Variants in TEX11 observed in about 807,000 individuals in gnomAD.
TEX11 encodes the protein testis-expressed protein 11.
A neutral mutation model predicts 84.4 loss-of-function variants in TEX11; 7 were observed. The observed-to-expected ratio is 0.08, with a 90% CI of 0.05 to 0.16. TEX11 has a LOEUF of 0.16. TEX11 is among the 10% of genes least tolerant of loss of function. The pLI, the probability that TEX11 is intolerant of heterozygous loss-of-function variation, is 1.00. For missense variants in TEX11, 551 were observed against 660.5 expected, an observed-to-expected ratio of 0.83 and a Z score of 1.82; for synonymous variants, 264 against 222.8, an observed-to-expected ratio of 1.18 and a Z score of -1.64.
At chrX:70,731,805 A>G (rs1245186691) in intron 11 of TEX11, among the ~76,000 whole-genome samples, 1 of 110,892 alleles carries the variant, frequency 9.0e-6, no homozygotes, top group Non-Finnish European at 1.9e-5. Flanking sequence ...TCATTTTATG[A>G]GGCCAGCATC....
intron 25 of TEX11, among the ~76,000 whole-genome samples, chrX:70,588,200 G>C (rs770148488): frequency 7.1e-5 from 8 of 111,913 alleles, no homozygotes; most frequent in Non-Finnish European, 1.1e-4. Flanking sequence ...GGGACTGTTG[G>C]GAAGGCATGA....
At chrX:70,804,800 G>A (rs181482948) in intron 9 of TEX11, among the ~76,000 whole-genome samples, 16 of 110,454 alleles carry the variant, frequency 1.4e-4, no homozygotes, top group African/African-American at 4.3e-4. Context: ...AACCAATGGC[G>A]TATGTGCAAA....
intron 8 of TEX11, among the ~76,000 whole-genome samples, chrX:70,823,858 A>G (rs1783042737): frequency 9.1e-6 from 1 of 110,109 alleles, no homozygotes; most frequent in South Asian, 3.9e-4. Context: ...AAAAAAATAC[A>G]AAGATTAGCC....
At chrX:70,711,989 A>G (rs370535066) in intron 13 of TEX11, among the ~76,000 whole-genome samples, 8 of 111,543 alleles carry the variant, frequency 7.2e-5, no homozygotes, top group Admixed American at 4.8e-4. Context: ...AAGGGATCCA[A>G]TTTCAGCTTT....
chrX:70,644,785 G>T (rs1403541208), intron 17 of TEX11, among the ~76,000 whole-genome samples: 70 of 65,161 alleles, frequency 1.1e-3, no homozygotes, highest in African/African-American at 3.5e-3. Context: ...GGTGGGGGGA[G>T]GGGGGAGGGA....
rs868099181 is a variant in TEX11 at position 70,792,331 on chromosome X, T to A, written c.692+14374A>T. On this transcript the variant is annotated intron_variant, in intron 9 of 29. Transcript: ENST00000374333. ...AAAAAAAAAAATATATATATATATA[T>A]ATATATATATATATATATATATATA... Among the ~76,000 whole-genome samples the A allele has an allele frequency of 2.2e-3, 14 of 6,291 alleles. 1 individual carries two copies. The highest frequency in any genetic ancestry group is 7.4e-3 in the African/African-American group (7 of 946). The allele number at this position is 6,291 out of a possible 115,157, so 5.5% of individuals were successfully genotyped here. A position where few individuals can be genotyped will look rare whatever the true frequency, so the allele number is the denominator to read the frequency against.
rs372962201 is a variant in TEX11, at chrX:70,880,116, T to G, written c.38-7A>C. 1.7e-4 allele frequency: 194 copies of G among 1,163,803 alleles called. No individual in the cohort carries two copies. The African/African-American group carries it at 3.1e-3, about 18-fold the overall frequency. ...ACCAGGTTTTCAACAACTTCTGAAA[T>G]GACAATGGATGATAAATGTGCTGTG... On this transcript the variant is annotated splice_polypyrimidine_tract_variant and splice_region_variant and intron_variant, in intron 2 of 29. Transcript: ENST00000374333.
At chrX:70,719,872 A>T (rs1316554088) in intron 13 of TEX11, among the ~76,000 whole-genome samples, 1 of 111,337 alleles carries the variant, frequency 9.0e-6, no homozygotes, top group African/African-American at 3.3e-5. Flanking sequence ...AGGAAACAAC[A>T]GGTGCTGGAG....
intron 9 of TEX11, among the ~76,000 whole-genome samples, chrX:70,776,569 A>G (rs1231544156): frequency 1.8e-5 from 2 of 109,806 alleles, no homozygotes; most frequent in Non-Finnish European, 3.8e-5. Flanking sequence ...GTCTTGGAAA[A>G]AAAAAAAAAA....
At chrX:70,609,061 G>A in intron 22 of TEX11, 30 bp downstream of exon 22, 2 of 1,140,837 alleles carry the variant, frequency 1.8e-6, no homozygotes, top group Non-Finnish European at 2.4e-6. Context: ...ACCCCACAAT[G>A]TTTCCCAGAG....
chrX:70,581,582 G>A (rs1441331844), intron 25 of TEX11, among the ~76,000 whole-genome samples: 1 of 110,905 alleles, frequency 9.0e-6, no homozygotes, highest in Non-Finnish European at 1.9e-5. Context: ...ACAGGCATAA[G>A]CCACCGCGCC....
chrX:70,581,140 T>A (rs1424853456), intron 25 of TEX11, among the ~76,000 whole-genome samples: 4 of 108,657 alleles, frequency 3.7e-5, no homozygotes, highest in Non-Finnish European at 1.9e-5. Context: ...TAGCTGGGAG[T>A]ATAAGCATGT....
chrX:70,546,937 T>C (rs994391960), intron 28 of TEX11, among the ~76,000 whole-genome samples: 2 of 99,489 alleles, frequency 2.0e-5, no homozygotes, highest in African/African-American at 7.6e-5. Context: ...TTATTCATGA[T>C]AGCCAAAAAG....
intron 16 of TEX11, among the ~76,000 whole-genome samples, chrX:70,657,004 T>G (rs367923704): frequency 9.0e-6 from 1 of 111,630 alleles, no homozygotes; most frequent in East Asian, 2.8e-4. Flanking sequence ...AAAGAAAAAG[T>G]ATAGATCAGT....
chrX:70,608,597 C>T (rs944679952), intron 22 of TEX11, among the ~76,000 whole-genome samples: 25 of 109,684 alleles, frequency 2.3e-4, no homozygotes, highest in Non-Finnish European at 4.2e-4. Flanking sequence ...AAAAATTAGC[C>T]GGGCGTGGTG....
Position 70,551,649 on chromosome X carries a change from T to C in TEX11, c.2520+477A>G, listed in dbSNP as rs1184093986. Reference sequence around the variant, plus strand: ...CAAGCCATGGGTGAATTTTATGATATGTGAATTATACCTCAAGAAACCTAA... The same window carrying C: ...CAAGCCATGGGTGAATTTTATGATACGTGAATTATACCTCAAGAAACCTAA... On this transcript the variant is annotated intron_variant, in intron 28 of 29. Coordinates refer to ENST00000374333, the MANE Select transcript of TEX11 (RefSeq NM_031276.3). 2.7e-5 allele frequency among the ~76,000 whole-genome samples: 3 copies of C among 111,871 alleles called. No individual in the cohort carries two copies. In the Admixed American group the frequency reaches 2.9e-4, roughly 11 times the overall value.
At chrX:70,836,920 G>C (rs1251686894) in intron 7 of TEX11, among the ~76,000 whole-genome samples, 1 of 111,337 alleles carries the variant, frequency 9.0e-6, no homozygotes, top group Non-Finnish European at 1.9e-5. Context: ...GGGAGGCTGA[G>C]GCAGGAGAAT....
At chrX:70,674,300 T>C (rs975524795) in intron 15 of TEX11, among the ~76,000 whole-genome samples, 2 of 112,218 alleles carry the variant, frequency 1.8e-5, no homozygotes, top group African/African-American at 6.5e-5. Context: ...CAGTCTGTCA[T>C]TGATGGGCAT....
At chrX:70,883,142 T>G (rs28464783) in intron 2 of TEX11, among the ~76,000 whole-genome samples, 6 of 110,848 alleles carry the variant, frequency 5.4e-5, no homozygotes, top group Non-Finnish European at 9.4e-5. Flanking sequence ...AATTCTATTT[T>G]TTGTTTTTGT....
Sources: gnomAD v4.1 joint callset for allele counts (sites outside exome capture counted in the v4.1 genomes callset) on GRCh38, gnomAD v4.1.1 for gene constraint, MANE v1.5 for transcripts, NCBI Gene and HGNC (gene_info 2026-07-23, HGNC 2026-07-21) for gene names.